MACROD2: variants seen among roughly 807,000 people sequenced by gnomAD.
The protein encoded by MACROD2 is mono-ADP ribosylhydrolase 2, also known as ADP-ribose glycohydrolase MACROD2.
MACROD2 carries 36 observed loss-of-function variants against 70.4 expected under a neutral mutation model. The observed-to-expected ratio is 0.51, with a 90% CI of 0.39 to 0.68. The LOEUF is 0.68. Ranked by LOEUF, MACROD2 falls within the 30% of genes least tolerant of loss-of-function variation. The pLI is 0.00. For synonymous variants in MACROD2, 172 were observed against 178.8 expected (o/e 0.96, Z 0.30); for missense variants, 496 against 538.4 (o/e 0.92, Z 0.78).
At chr20:15,395,294 A>G (rs147962876) in intron 6 of MACROD2, among the ~76,000 whole-genome samples, 1 of 152,292 alleles carries the variant, frequency 6.6e-6, no homozygotes, top group East Asian at 1.9e-4. Flanking sequence ...GTGGTCCATT[A>G]TTTAGGAACA....
At chr20:16,015,546 T>A (rs2066918204) in intron 15 of MACROD2, among the ~76,000 whole-genome samples, 2 of 152,230 alleles carry the variant, frequency 1.3e-5, no homozygotes, top group East Asian at 1.9e-4. Context: ...AATTGGTTTG[T>A]CTTGTTCTAC....
chr20:15,858,119 G>GAA (rs11087149), intron 8 of MACROD2, among the ~76,000 whole-genome samples: 4,556 of 150,346 alleles, frequency 0.03, 141 homozygotes, highest in East Asian at 0.13. Flanking sequence ...TGGGCCTTGG[G>GAA]AAAAAAAAAA....
chr20:14,536,422 A>G (rs867478234), intron 4 of MACROD2, among the ~76,000 whole-genome samples: 2 of 152,210 alleles, frequency 1.3e-5, no homozygotes, highest in South Asian at 2.1e-4. Flanking sequence ...AAAGAATAAT[A>G]TATGAGAGTT....
intron 4 of MACROD2, among the ~76,000 whole-genome samples, chr20:14,619,653 A>G (rs1400772769): frequency 3.3e-5 from 5 of 151,810 alleles, no homozygotes; most frequent in African/African-American, 4.8e-5. Context: ...TGTATTCCCT[A>G]TTTTTCCCTT....
intron 4 of MACROD2, chr20:14,547,229 C>A: frequency 1.7e-6 from 1 of 584,792 alleles, no homozygotes; most frequent in South Asian, 5.3e-5. Context: ...TCAACTGGCT[C>A]CATGCAGGAG....
At chr20:14,363,578 T>C (rs1013518097) in intron 3 of MACROD2, among the ~76,000 whole-genome samples, 2 of 150,944 alleles carry the variant, frequency 1.3e-5, no homozygotes, top group African/African-American at 4.9e-5. Flanking sequence ...CCCAGCACTT[T>C]GGGAGGCCGA....
chr20:14,179,786 A>C (rs1011051340), intron 3 of MACROD2, among the ~76,000 whole-genome samples: 1 of 152,162 alleles, frequency 6.6e-6, no homozygotes, highest in Non-Finnish European at 1.5e-5. Context: ...GCATTTTAAA[A>C]AGACTCAGTA....
In MACROD2 at chr20:15,497,172, A is replaced by G. The variant is rs2047308707; in HGVS notation, c.572-2602A>G. Reference sequence around the variant, plus strand: ...AGCATGTATTGCATTGCTGGTGCTGAAGTGTATTAAAGGGAAGTATCCAGG... The same window carrying G: ...AGCATGTATTGCATTGCTGGTGCTGGAGTGTATTAAAGGGAAGTATCCAGG... On this transcript the variant is annotated intron_variant, in intron 7 of 17. Coordinates refer to ENST00000684519, the MANE Select transcript of MACROD2 (RefSeq NM_001351661.2). Among the ~76,000 whole-genome samples the G allele has an allele frequency of 2.0e-5, 3 of 152,150 alleles. No homozygotes were observed. The South Asian group carries it at 6.2e-4, about 32-fold the overall frequency.
intron 4 of MACROD2, among the ~76,000 whole-genome samples, chr20:14,528,223 C>T (rs920309776): frequency 6.6e-6 from 1 of 151,660 alleles, no homozygotes; most frequent in Non-Finnish European, 1.5e-5. Flanking sequence ...GATTCTCCTG[C>T]CTCAGCCTCC....
chr20:14,219,878 C>T (rs1191702093), intron 3 of MACROD2, among the ~76,000 whole-genome samples: 1 of 152,170 alleles, frequency 6.6e-6, no homozygotes, highest in Non-Finnish European at 1.5e-5. Flanking sequence ...TGATACCAAC[C>T]ATCTGTGGGT....
chr20:14,040,903 C>T (rs1002240656), intron 2 of MACROD2, among the ~76,000 whole-genome samples: 11 of 152,114 alleles, frequency 7.2e-5, no homozygotes, highest in Admixed American at 7.2e-4. Flanking sequence ...AATTTGCCAT[C>T]TAATAGCAGA....
At chr20:14,381,481 G>A (rs1488624170) in intron 3 of MACROD2, among the ~76,000 whole-genome samples, 1 of 152,082 alleles carries the variant, frequency 6.6e-6, no homozygotes, top group Non-Finnish European at 1.5e-5. Flanking sequence ...AGTGATCTTT[G>A]TTATGATCTT....
chr20:14,847,493 T>G (rs1410279159), intron 5 of MACROD2, among the ~76,000 whole-genome samples: 2 of 150,832 alleles, frequency 1.3e-5, no homozygotes, highest in African/African-American at 2.4e-5. Flanking sequence ...CTGTTTTTTT[T>G]TTTTTTTTTT....
intron 5 of MACROD2, among the ~76,000 whole-genome samples, chr20:14,756,093 A>G (rs1161056437): frequency 6.6e-6 from 1 of 152,070 alleles, no homozygotes; most frequent in Non-Finnish European, 1.5e-5. Flanking sequence ...AAAAAATCTT[A>G]CTGAGACTTT....
chr20:14,183,434 T>C (rs2148732694), intron 3 of MACROD2, among the ~76,000 whole-genome samples: 1 of 152,272 alleles, frequency 6.6e-6, no homozygotes, highest in Non-Finnish European at 1.5e-5. Context: ...CTATCACTGA[T>C]GGCATTTAGG....
At chr20:14,238,511 C>T (rs868650911) in intron 3 of MACROD2, among the ~76,000 whole-genome samples, 23 of 152,180 alleles carry the variant, frequency 1.5e-4, no homozygotes, top group African/African-American at 5.5e-4. Flanking sequence ...CAAGGATGCC[C>T]ATTCTCACCA....
intron 8 of MACROD2, among the ~76,000 whole-genome samples, chr20:15,507,594 G>C (rs929855624): frequency 6.7e-6 from 1 of 149,848 alleles, no homozygotes; most frequent in Admixed American, 6.7e-5. Flanking sequence ...TGTCATTGTC[G>C]GGATTTGTGA....
At chr20:14,338,601 A>T (rs952069946) in intron 3 of MACROD2, among the ~76,000 whole-genome samples, 1 of 152,200 alleles carries the variant, frequency 6.6e-6, no homozygotes, top group Non-Finnish European at 1.5e-5. Context: ...AAATGTTTTT[A>T]AAAAATTTAA....
At chr20:14,060,756 A>G (rs1048894223) in intron 2 of MACROD2, among the ~76,000 whole-genome samples, 7 of 152,190 alleles carry the variant, frequency 4.6e-5, no homozygotes, top group African/African-American at 1.7e-4. Context: ...TTCTTTTAAC[A>G]GTATTTCAGA....
Sources: allele counts gnomAD v4.1 joint callset (sites outside exome capture counted in the v4.1 genomes callset), GRCh38; gene constraint gnomAD v4.1.1; transcripts MANE v1.5; gene names NCBI Gene and HGNC (gene_info 2026-07-23, HGNC 2026-07-21).